Variants in TRIM25 observed in about 807,000 individuals in gnomAD.
The protein encoded by TRIM25 is tripartite motif containing 25.
Under a neutral mutation model 65.2 loss-of-function variants are expected in TRIM25, and 45 were observed. The ratio of observed to expected loss-of-function variants is 0.69; its 90% confidence interval spans 0.54 to 0.89. The LOEUF (loss-of-function observed/expected upper bound fraction) is 0.89, where lower values mean the gene tolerates loss of function less well. Ranked by LOEUF, TRIM25 falls within the 40% of genes least tolerant of loss-of-function variation. TRIM25 has a pLI of 0.00. For missense variants in TRIM25, 714 were observed against 803.7 expected (o/e 0.89, Z 1.35); for synonymous variants, 321 against 340.4 (o/e 0.94, Z 0.63).
chr17:56,896,312 T>C (rs1005329114), intron 5 of TRIM25, among the ~76,000 whole-genome samples: 4 of 145,698 alleles, frequency 2.7e-5, no homozygotes, highest in Admixed American at 7.0e-5. Context: ...TATATTTCCA[T>C]AAAGGAAAAA....
intron 5 of TRIM25, 39 bp from the exon 6 acceptor site, chr17:56,895,991 C>T: frequency 6.3e-7 from 1 of 1,589,896 alleles, no homozygotes; most frequent in Non-Finnish European, 8.6e-7. Context: ...TCTTTTAAGG[C>T]ACAACACAAT....
At chr17:56,908,387 TG>T in intron 2 of TRIM25, 80 bp downstream of exon 2, 3 of 1,386,830 alleles carry the variant, frequency 2.2e-6, no homozygotes, top group Non-Finnish European at 3.1e-6. Flanking sequence ...AGCCTTGTCA[TG>T]GTCAGAGCCA....
chr17:56,895,016 G>A (rs564667937), intron 8 of TRIM25, among the ~76,000 whole-genome samples: 1 of 152,366 alleles, frequency 6.6e-6, no homozygotes, highest in Non-Finnish European at 1.5e-5. Flanking sequence ...CCGGCAACGG[G>A]ACGCCCGGTG....
intron 5 of TRIM25, among the ~76,000 whole-genome samples, chr17:56,897,275 C>G (rs1404834969): frequency 6.6e-6 from 1 of 152,172 alleles, no homozygotes; most frequent in Admixed American, 6.5e-5. Context: ...TGCCACCTTC[C>G]ACAACACTGG....
Position 56,890,040 on chromosome 17 carries a change from G to A in TRIM25, c.*1660C>T. ...CAGGAATATCAAGTGTTCTGAGCCTGCCTAGAGTGCCCTAGAGTTCCAGCA... is the reference window on the plus strand; with the variant it reads ...CAGGAATATCAAGTGTTCTGAGCCTACCTAGAGTGCCCTAGAGTTCCAGCA... On this transcript the variant is annotated 3_prime_UTR_variant, in exon 9 of 9. Coordinates refer to ENST00000316881, the MANE Select transcript of TRIM25 (RefSeq NM_005082.5). 1 of 404,506 alleles carries A rather than the reference G, an allele frequency of 2.5e-6. No individual in the cohort carries two copies. Among genetic ancestry groups the A allele is most frequent in the Non-Finnish European group, 4.4e-6 (1 of 228,950 alleles). The allele number at this position is 404,506 out of a possible 1,614,324, so 25.1% of individuals were successfully genotyped here. A position where few individuals can be genotyped will look rare whatever the true frequency, so the allele number is the denominator to read the frequency against.
Position 56,913,674 on chromosome 17 carries a change from C to A in TRIM25, c.315G>T (p.Val105=). ...RASAPSPNAQ[V]ACDHCLKEAA... ...CCTCCTTCAGGCAGTGGTCGCAGGC[C>A]ACCTGGGCATTCGGGCTGGGTGCAG... Residue 105 remains valine (V), a synonymous_variant, in exon 1 of 9, where the codon GTG becomes GTT. Transcript: ENST00000316881. The surrounding 1 kb of genome is among the most constrained non-coding windows in gnomAD (Gnocchi z 6.1). 1 of 1,593,640 alleles carries A rather than the reference C, an allele frequency of 6.3e-7. No homozygotes were observed. Among genetic ancestry groups the A allele is most frequent in the Non-Finnish European group, 8.6e-7 (1 of 1,169,222 alleles).
Position 56,913,649 on chromosome 17 carries a change from C to T in TRIM25, c.340G>A (p.Ala114Thr), listed in dbSNP as rs1298850272. ...QVACDHCLKE[A>T]AVKTCLVCMA... ...CACACCAAGCACGTCTTCACGGCGG[C>T]CTCCTTCAGGCAGTGGTCGCAGGCC... The change falls in exon 1 of 9, where the codon GCC (alanine) becomes ACC (threonine). Residue 114 changes from alanine to threonine, a missense_variant. By Grantham distance (58) the Ala-to-Thr change is moderately conservative. Coordinates refer to ENST00000316881, the MANE Select transcript of TRIM25 (RefSeq NM_005082.5). This position sits in a 1 kb window ranked among gnomAD's most constrained non-coding sequence, Gnocchi z 6.1. 2.5e-6 allele frequency: 4 copies of T among 1,598,512 alleles called. No individual in the cohort carries two copies. Among genetic ancestry groups the T allele is most frequent in the South Asian group, 1.1e-5 (1 of 89,810 alleles).
At chr17:56,899,305 A>C in intron 4 of TRIM25, 125 bp from the exon 5 acceptor site, 1 of 866,492 alleles carries the variant, frequency 1.2e-6, no homozygotes, top group Non-Finnish European at 1.8e-6. Context: ...GACCTTCCCC[A>C]TCCCATCGCT....
chr17:56,905,985 C>T (rs1192890843), intron 2 of TRIM25, among the ~76,000 whole-genome samples: 1 of 152,120 alleles, frequency 6.6e-6, no homozygotes, highest in East Asian at 1.9e-4. Context: ...AAATAAAATA[C>T]AATAAATCTC....
intron 1 of TRIM25, among the ~76,000 whole-genome samples, chr17:56,909,759 C>T (rs980001713): frequency 1.3e-5 from 2 of 151,836 alleles, no homozygotes; most frequent in Non-Finnish European, 1.5e-5. Context: ...TCCTAGCCAC[C>T]TCCAGAAACA....
intron 3 of TRIM25, among the ~76,000 whole-genome samples, chr17:56,903,790 T>C (rs925018798): frequency 1.3e-5 from 2 of 152,182 alleles, no homozygotes; most frequent in Non-Finnish European, 2.9e-5. Flanking sequence ...AAAAGAGGGA[T>C]TGCATCTTTC....
chr17:56,901,372 G>A (rs1390255302), intron 4 of TRIM25, 47 bp downstream of exon 4: 2 of 1,585,472 alleles, frequency 1.3e-6, no homozygotes, highest in Admixed American at 1.7e-5. Flanking sequence ...GGACCCATCG[G>A]GTTGCAGGGT....
At chr17:56,907,781 C>T (rs1416432939) in intron 2 of TRIM25, among the ~76,000 whole-genome samples, 2 of 152,146 alleles carry the variant, frequency 1.3e-5, no homozygotes, top group African/African-American at 4.8e-5. Context: ...TTTGCAGATG[C>T]AATTAAAGAT....
rs1464335386 is a variant in TRIM25 at position 56,889,779 on chromosome 17, A to G, written c.*1921T>C. The stretch of plus-strand genomic sequence containing the variant: ...TCCCAAGTATTAATTGGTTTCAGAC[A>G]AGGCTTTCGTTTCAGAAAATCAATG... On this transcript the variant is annotated 3_prime_UTR_variant, in exon 9 of 9. Coordinates refer to ENST00000316881, the MANE Select transcript of TRIM25 (RefSeq NM_005082.5). 2.5e-6 allele frequency: 1 copy of G among 398,522 alleles called. No individual in the cohort carries two copies. The highest frequency in any genetic ancestry group is 4.4e-6 in the Non-Finnish European group (1 of 226,078). The allele number at this position is 398,522 out of a possible 1,614,324, so 24.7% of individuals were successfully genotyped here.
intron 8 of TRIM25, 32 bp downstream of exon 8, chr17:56,895,311 T>A: frequency 6.3e-7 from 1 of 1,577,156 alleles, no homozygotes; most frequent in Non-Finnish European, 8.7e-7. Flanking sequence ...ACAGAACCAG[T>A]GGAACCGCGC....
Position 56,901,575 on chromosome 17 carries a change from C to A in TRIM25, c.931G>T (p.Ala311Ser), listed in dbSNP as rs1471363042. 6.2e-7 allele frequency: 1 copy of A among 1,613,932 alleles called. No homozygotes were observed. Among genetic ancestry groups the A allele is most frequent in the East Asian group, 2.2e-5 (1 of 44,882 alleles). ...GTTGAGATTCCTCGCAGTTTTGATG[C>A]TTTCTGGAACATGCCAGGGGGTTAG... ...KRDEFEFLEK[A>S]SKLRGISTKP... Residue 311 changes from alanine to serine, a missense_variant, in exon 4 of 9, where the codon GCA (alanine) becomes TCA (serine). Ala to Ser is a moderately conservative substitution (Grantham distance 99). This residue lies in a region of TRIM25 where 413 missense variants were observed against 498.2 expected (regional missense o/e 0.83). Coordinates refer to ENST00000316881, the MANE Select transcript of TRIM25 (RefSeq NM_005082.5).
chr17:56,902,258 C>G (rs1455672203), intron 3 of TRIM25, among the ~76,000 whole-genome samples: 2 of 152,172 alleles, frequency 1.3e-5, no homozygotes, highest in Non-Finnish European at 2.9e-5. Flanking sequence ...TGTCTCCCCA[C>G]CCCCTGATCT....
At chr17:56,907,066 C>T (rs1379765130) in intron 2 of TRIM25, among the ~76,000 whole-genome samples, 1 of 152,126 alleles carries the variant, frequency 6.6e-6, no homozygotes, top group Non-Finnish European at 1.5e-5. Context: ...CCTTTTTGTC[C>T]CTTTGTCACA....
chr17:56,893,416 G>A (rs757926989), intron 8 of TRIM25, among the ~76,000 whole-genome samples: 3 of 152,202 alleles, frequency 2.0e-5, no homozygotes, highest in Non-Finnish European at 4.4e-5. Context: ...TAGCAGCTTG[G>A]GCAAGAGTTA....
Sources: gnomAD v4.1 joint callset for allele counts (sites outside exome capture counted in the v4.1 genomes callset) on GRCh38, gnomAD v4.1.1 for gene constraint, gnomAD v4.1.1 regional missense constraint, Gnocchi (gnomAD v3.1) non-coding constraint, MANE v1.5 for transcripts, NCBI Gene and HGNC (gene_info 2026-07-23, HGNC 2026-07-21) for gene names.